Variants in GPR89A observed in about 807,000 individuals in gnomAD.
GPR89A encodes the protein G protein-coupled receptor 89A.
GPR89A carries 16 observed loss-of-function variants against 52.0 expected under a neutral mutation model. That is an observed-to-expected ratio of 0.31 (90% CI 0.21 to 0.47). The LOEUF (loss-of-function observed/expected upper bound fraction) is 0.47. GPR89A is among the 20% of genes least tolerant of loss of function. The pLI, the probability that GPR89A is intolerant of heterozygous loss-of-function variation, is 1.00. For synonymous variants in GPR89A, 55 were observed against 150.9 expected (o/e 0.36, Z 4.66); for missense variants, 135 against 449.4 (o/e 0.30, Z 6.33).
At chr1:145,657,741 C>G (rs1196332036) in intron 10 of GPR89A, among the ~76,000 whole-genome samples, 3 of 148,540 alleles carry the variant, frequency 2.0e-5, no homozygotes, top group African/African-American at 7.4e-5. Context: ...AGGAATTTGT[C>G]TATTTTTATT....
At chr1:145,668,782 G>T (rs1473570113) in intron 12 of GPR89A, among the ~76,000 whole-genome samples, 4 of 152,224 alleles carry the variant, frequency 2.6e-5, no homozygotes, top group African/African-American at 9.6e-5. Context: ...AGCATGGAGG[G>T]CTGTTGAATT....
intron 1 of GPR89A, among the ~76,000 whole-genome samples, chr1:145,610,330 C>A (rs1553685896): frequency 6.6e-6 from 1 of 152,038 alleles, no homozygotes; most frequent in Non-Finnish European, 1.5e-5. Flanking sequence ...AGTTCAAACT[C>A]CTTTACATGG....
At chr1:145,643,605 C>CT (rs1280814943) in intron 7 of GPR89A, among the ~76,000 whole-genome samples, 1 of 152,106 alleles carries the variant, frequency 6.6e-6, no homozygotes, top group Non-Finnish European at 1.5e-5. Context: ...GATGAAAACT[C>CT]TAAGACCTCC....
intron 9 of GPR89A, 37 bp from the exon 10 acceptor site, chr1:145,647,138 T>C (rs1382998943): frequency 6.5e-7 from 1 of 1,539,662 alleles, no homozygotes; most frequent in East Asian, 2.4e-5. Flanking sequence ...AATTTATATT[T>C]TGCTGAAAAC....
intron 5 of GPR89A, among the ~76,000 whole-genome samples, chr1:145,627,067 AAG>A (rs1161280082): frequency 1.3e-5 from 2 of 151,900 alleles, no homozygotes; most frequent in Non-Finnish European, 2.9e-5. Context: ...GGGAAAGAGT[AAG>A]AGAGATTACA....
intron 7 of GPR89A, among the ~76,000 whole-genome samples, chr1:145,637,922 A>G (rs1339496144): frequency 4.7e-5 from 7 of 150,520 alleles, no homozygotes; most frequent in African/African-American, 1.7e-4. Flanking sequence ...CTGTAATCCC[A>G]GCACTTTGGG....
In GPR89A at chr1:145,641,080, G is replaced by A. The variant is rs1389081789; in HGVS notation, c.618-2789G>A. 4.6e-5 allele frequency among the ~76,000 whole-genome samples: 7 copies of A among 151,868 alleles called. 1 individual carries two copies. The highest frequency in any genetic ancestry group is 1.7e-4 in the African/African-American group (7 of 41,208). ...GCTGGCATCCATGTAGAATGGTACA[G>A]TCCCTCTGGAACACAGTTTAGCTCT... On this transcript the variant is annotated intron_variant, in intron 7 of 13. Coordinates refer to ENST00000313835, the MANE Select transcript of GPR89A (RefSeq NM_001097612.2).
At chr1:145,664,221 AC>A (rs1425037033) in intron 11 of GPR89A, among the ~76,000 whole-genome samples, 2 of 152,294 alleles carry the variant, frequency 1.3e-5, no homozygotes, top group Non-Finnish European at 2.9e-5. Flanking sequence ...ATGAAAATGA[AC>A]GAGAGCAAAT....
At chr1:145,639,171 G>A (rs1447777636) in intron 7 of GPR89A, among the ~76,000 whole-genome samples, 4 of 151,644 alleles carry the variant, frequency 2.6e-5, no homozygotes, top group Admixed American at 1.3e-4. Flanking sequence ...TTAATAGATT[G>A]GAAGACTTGA....
chr1:145,668,505 T>C (rs587682517), intron 12 of GPR89A, among the ~76,000 whole-genome samples: 2 of 152,316 alleles, frequency 1.3e-5, no homozygotes, highest in African/African-American at 4.8e-5. Flanking sequence ...TATACAGTCA[T>C]GTCTTCTGCA....
chr1:145,649,378 A>G (rs587757794), intron 10 of GPR89A, among the ~76,000 whole-genome samples: 1 of 152,110 alleles, frequency 6.6e-6, no homozygotes, highest in African/African-American at 2.4e-5. Context: ...CTAGAATGTT[A>G]TGTAAGTAGA....
intron 7 of GPR89A, among the ~76,000 whole-genome samples, chr1:145,634,269 G>A (rs1650071387): frequency 1.3e-5 from 2 of 151,644 alleles, no homozygotes; most frequent in Admixed American, 6.6e-5. Context: ...TGGTAGAGAC[G>A]GGGTTTCACC....
rs587665457 is a variant in GPR89A at position 145,608,205 on chromosome 1, G to A, written c.42+30G>A. ...GTCACCGCCTCCCGCCCCGACACCC[G>A]TCCGCCTCCCTTTACCGAATCGCCC... On this transcript the variant is annotated intron_variant, in intron 1 of 13. Transcript: ENST00000313835. The A allele has an allele frequency of 3.1e-4, 493 of 1,613,708 alleles. 9 individuals are homozygous for A. In the Admixed American group the frequency reaches 7.9e-3, roughly 26 times the overall value.
Position 145,637,545 on chromosome 1 carries a change from C to G in GPR89A, c.617+5801C>G, listed in dbSNP as rs143853287. Among the ~76,000 whole-genome samples the G allele has an allele frequency of 4.9e-3, 747 of 151,962 alleles. 7 individuals are homozygous for G. Among genetic ancestry groups the G allele is most frequent in the African/African-American group, 0.017 (703 of 41,440 alleles). On this transcript the variant is annotated intron_variant, in intron 7 of 13. Transcript: ENST00000313835. Reference sequence around the variant, plus strand: ...AAAAACAAAACAGATTCCAAAGTCACTACAACATATTACCTTCAACCAAAA... The same window carrying G: ...AAAAACAAAACAGATTCCAAAGTCAGTACAACATATTACCTTCAACCAAAA...
In GPR89A at chr1:145,668,629, A is replaced by T. The variant is rs141361982; in HGVS notation, c.1096-996A>T. On this transcript the variant is annotated intron_variant, in intron 12 of 13. Coordinates refer to ENST00000313835, the MANE Select transcript of GPR89A (RefSeq NM_001097612.2). ...CTATGCTGAATAAGAGTGGTGGGAG[A>T]GGGCATCCCTGTCTTGTGCCAGTTT... 4.9e-3 allele frequency among the ~76,000 whole-genome samples: 751 copies of T among 152,126 alleles called. 8 individuals carry two copies. Among genetic ancestry groups the T allele is most frequent in the African/African-American group, 0.017 (707 of 41,500 alleles).
chr1:145,647,390 C>T lies in GPR89A; in HGVS notation c.909+123C>T. The T allele has an allele frequency of 5.4e-6, 7 of 1,292,174 alleles. No individual in the cohort carries two copies. In the South Asian group the frequency reaches 1.0e-4, roughly 19 times the overall value. 80.0% of individuals were successfully genotyped at this position (1,292,174 alleles called of 1,614,324 possible). A position where few individuals can be genotyped will look rare whatever the true frequency, so the allele number is the denominator to read the frequency against. On this transcript the variant is annotated intron_variant, in intron 10 of 13. Transcript: ENST00000313835. ...CAAATGTGATTGCATCAACAGAGAG[C>T]ATGATCTTCCACATCTCTGGGCTTC... is the stretch of plus-strand genomic sequence containing the variant.
intron 10 of GPR89A, among the ~76,000 whole-genome samples, chr1:145,652,776 A>G (rs1553693738): frequency 7.1e-6 from 1 of 141,512 alleles, no homozygotes; most frequent in Non-Finnish European, 1.5e-5. Flanking sequence ...GTTGATTTGC[A>G]TAGAGATGTT....
intron 7 of GPR89A, among the ~76,000 whole-genome samples, chr1:145,641,099 T>C (rs1362093276): frequency 2.6e-5 from 4 of 151,732 alleles, no homozygotes; most frequent in Non-Finnish European, 5.9e-5. Flanking sequence ...GAACACAGTT[T>C]AGCTCTTTCT....
At position 145,658,624 on chromosome 1, in the gene GPR89A, T is replaced by TA. The variant is rs587632704; in HGVS notation, c.910-4695dup. 1.4e-3 allele frequency among the ~76,000 whole-genome samples: 201 copies of TA among 142,924 alleles called. 1 individual carries two copies. Among genetic ancestry groups the TA allele is most frequent in the African/African-American group, 4.9e-3 (190 of 38,708 alleles). The allele number at this position is 142,924 out of a possible 152,430, so 93.8% of individuals were successfully genotyped here. A position where few individuals can be genotyped will look rare whatever the true frequency, so the allele number is the denominator to read the frequency against. On this transcript the variant is annotated intron_variant, in intron 10 of 13. Coordinates refer to ENST00000313835, the MANE Select transcript of GPR89A (RefSeq NM_001097612.2). ...AGCAGGCAGCAGAGCAAGACTGTCT[T>TA]AAAAAAAAAATTCATATTTTCTATG...
Sources: allele counts gnomAD v4.1 joint callset (sites outside exome capture counted in the v4.1 genomes callset), GRCh38; gene constraint gnomAD v4.1.1; transcripts MANE v1.5; gene names NCBI Gene and HGNC (gene_info 2026-07-23, HGNC 2026-07-21).